Variants in DDX31 observed in about 807,000 individuals in gnomAD.
DDX31 encodes DEAD-box helicase 31.
DDX31 carries 70 observed loss-of-function variants against 91.3 expected under a neutral mutation model. The ratio of observed to expected loss-of-function variants is 0.77; its 90% CI spans 0.63 to 0.94. The LOEUF (loss-of-function observed/expected upper bound fraction) is 0.94. DDX31 is among the 40% of genes least tolerant of loss of function. DDX31 has a pLI of 0.00. For missense variants in DDX31, 902 were observed against 925.0 expected, an observed-to-expected ratio of 0.98 and a Z score of 0.32; for synonymous variants, 362 against 350.6, an observed-to-expected ratio of 1.03 and a Z score of -0.36.
Position 132,662,531 on chromosome 9 carries a change from C to T in DDX31, c.240G>A (p.Ser80=), listed in dbSNP as rs1479409862. 7.4e-6 allele frequency: 12 copies of T among 1,614,192 alleles called. No homozygotes were observed. Among genetic ancestry groups the T allele is most frequent in the East Asian group, 2.2e-5 (1 of 44,882 alleles). ...CCTGGTTTCTATCACTTGTGCTAAC[C>T]GAATGCTTCTTTGGAGAAAACATTT... ...AQKMFSPKKH[S]VSTSDRNQEE... The change falls in exon 2 of 20, where the codon TCG becomes TCA. Residue 80 remains serine, a synonymous_variant. Transcript: ENST00000372159.
chr9:132,655,538 C>T (rs956064155), intron 6 of DDX31, among the ~76,000 whole-genome samples: 2 of 152,150 alleles, frequency 1.3e-5, no homozygotes, highest in Non-Finnish European at 2.9e-5. Context: ...GTAATAACCA[C>T]CATGGCATCT....
intron 6 of DDX31, among the ~76,000 whole-genome samples, chr9:132,655,196 G>A (rs530741416): frequency 6.6e-6 from 1 of 152,118 alleles, no homozygotes; most frequent in Non-Finnish European, 1.5e-5. Flanking sequence ...AAGTGGCCTT[G>A]TTTGTAGCAA....
At chr9:132,650,201 G>T (rs1834097795) in intron 9 of DDX31, 33 bp downstream of exon 9, 1 of 1,606,412 alleles carries the variant, frequency 6.2e-7, no homozygotes, top group Non-Finnish European at 8.5e-7. Context: ...ACACATTCAA[G>T]AAGGAAACAA....
chr9:132,665,672 G>A (rs981026352), intron 1 of DDX31, among the ~76,000 whole-genome samples: 1 of 152,198 alleles, frequency 6.6e-6, no homozygotes, highest in Non-Finnish European at 1.5e-5. Context: ...CCTGTAAAAT[G>A]AGGGGATTTT....
At chr9:132,602,166 C>A (rs1366906818) in intron 19 of DDX31, among the ~76,000 whole-genome samples, 1 of 152,222 alleles carries the variant, frequency 6.6e-6, no homozygotes, top group Non-Finnish European at 1.5e-5. Context: ...AATTCTGGCT[C>A]ATTCTCAGAA....
intron 19 of DDX31, among the ~76,000 whole-genome samples, chr9:132,609,498 A>G (rs1831205234): frequency 2.6e-5 from 4 of 152,180 alleles, no homozygotes; most frequent in Admixed American, 2.0e-4. Context: ...CGGTCTGAGG[A>G]GCTGCTATCT....
intron 7 of DDX31, among the ~76,000 whole-genome samples, chr9:132,651,750 TAC>T (rs1260578585): frequency 6.6e-6 from 1 of 152,240 alleles, no homozygotes; most frequent in Non-Finnish European, 1.5e-5. Flanking sequence ...AGAACGTATA[TAC>T]AGTTTCCACA....
At chr9:132,645,779 T>C in intron 13 of DDX31, 116 bp downstream of exon 13, 3 of 1,125,068 alleles carry the variant, frequency 2.7e-6, no homozygotes, top group Non-Finnish European at 3.7e-6. Flanking sequence ...CCCAGTGGAG[T>C]GTGCAAGGGT....
In DDX31 at chr9:132,645,879, G is replaced by A; in HGVS notation, c.1380+16C>T. 6.2e-7 allele frequency: 1 copy of A among 1,601,174 alleles called. No homozygotes were observed. Among genetic ancestry groups the A allele is most frequent in the Non-Finnish European group, 8.5e-7 (1 of 1,171,100 alleles). ...GGGCCGCAGTGTTGTCGCTGCACAGGGAGATCAGTGCTCACCTCCTGCTCC... is the reference window on the plus strand; with the variant it reads ...GGGCCGCAGTGTTGTCGCTGCACAGAGAGATCAGTGCTCACCTCCTGCTCC... On this transcript the variant is annotated intron_variant, in intron 13 of 19. Transcript: ENST00000372159.
intron 1 of DDX31, among the ~76,000 whole-genome samples, chr9:132,665,765 C>T (rs1434413821): frequency 1.3e-5 from 2 of 152,122 alleles, no homozygotes; most frequent in Non-Finnish European, 2.9e-5. Flanking sequence ...TGAGTAGTTA[C>T]TATATGCCAA....
chr9:132,601,013 G>A (rs1439742627), intron 19 of DDX31, among the ~76,000 whole-genome samples: 1 of 152,174 alleles, frequency 6.6e-6, no homozygotes, highest in Non-Finnish European at 1.5e-5. Context: ...AGAATACAGG[G>A]TGAACATGGC....
intron 1 of DDX31, among the ~76,000 whole-genome samples, chr9:132,665,103 G>A (rs1243037235): frequency 1.3e-5 from 2 of 152,146 alleles, no homozygotes; most frequent in Non-Finnish European, 2.9e-5. Flanking sequence ...TGTCTTTCCC[G>A]TTAGATTGTA....
At position 132,662,451 on chromosome 9, in the gene DDX31, G is replaced by A. The variant is rs1564341066; in HGVS notation, c.320C>T (p.Pro107Leu). Residue 107 changes from proline to leucine, a missense_variant, in exon 2 of 20, where the codon CCA (proline) becomes CTA (leucine). Pro to Leu is a moderately conservative substitution (Grantham distance 98, BLOSUM62 -3). Coordinates refer to ENST00000372159, the MANE Select transcript of DDX31 (RefSeq NM_022779.9). The part of the protein sequence containing the change: ...SSLFKNNPDI[P>L]ELHRPVVKQV... The stretch of plus-strand genomic sequence containing the variant: ...CCCCTGGACATACCTGTGGAGTTCT[G>A]GAATGTCAGGGTTGTTTTTAAACAG... The A allele has an allele frequency of 6.2e-7, 1 of 1,614,158 alleles. No homozygotes were observed. The highest frequency in any genetic ancestry group is 1.1e-5 in the South Asian group (1 of 91,082).
chr9:132,641,426 C>T (rs1833499743), intron 14 of DDX31, among the ~76,000 whole-genome samples: 2 of 152,168 alleles, frequency 1.3e-5, no homozygotes, highest in African/African-American at 2.4e-5. Context: ...GAATCCCCAG[C>T]CTGGGGGTAG....
chr9:132,604,759 G>A (rs1390229343), intron 19 of DDX31, among the ~76,000 whole-genome samples: 1 of 152,130 alleles, frequency 6.6e-6, no homozygotes, highest in Non-Finnish European at 1.5e-5. Flanking sequence ...ATCTGTCCTC[G>A]TGGCTACTTC....
chr9:132,638,130 C>T, intron 14 of DDX31: 1 of 1,385,590 alleles, frequency 7.2e-7, no homozygotes, highest in South Asian at 1.7e-5. Context: ...ACAGTTGGCG[C>T]CCAGGGCGGG....
At chr9:132,658,412 A>C (rs1369026924) in intron 6 of DDX31, 6 of 702,228 alleles carry the variant, frequency 8.5e-6, no homozygotes, top group Non-Finnish European at 1.6e-5. Flanking sequence ...GAACACATGC[A>C]AAGTATCATG....
intron 19 of DDX31, among the ~76,000 whole-genome samples, chr9:132,597,628 T>A (rs1830509478): frequency 6.6e-6 from 1 of 152,190 alleles, no homozygotes; most frequent in Non-Finnish European, 1.5e-5. Context: ...ACTAATTGCC[T>A]ACAGAAGCGG....
chr9:132,657,168 A>G (rs766093202), intron 6 of DDX31, among the ~76,000 whole-genome samples: 3 of 152,200 alleles, frequency 2.0e-5, no homozygotes, highest in Non-Finnish European at 4.4e-5. Context: ...AAAAAGTATC[A>G]TTTTTTAATG....
Sources: allele counts gnomAD v4.1 joint callset (sites outside exome capture counted in the v4.1 genomes callset), GRCh38; gene constraint gnomAD v4.1.1; transcripts MANE v1.5; gene names NCBI Gene and HGNC (gene_info 2026-07-23, HGNC 2026-07-21).